The following TMEM64 variants were observed in gnomAD, a reference collection of about 807,000 sequenced individuals.
TMEM64 encodes transmembrane protein 64.
A neutral mutation model predicts 24.5 loss-of-function variants in TMEM64; 19 were observed. The ratio of observed to expected loss-of-function variants is 0.78; its 90% confidence interval spans 0.54 to 1.14. TMEM64 has a LOEUF of 1.14. TMEM64 is among the 50% of genes most tolerant of loss of function. The pLI is 0.00. For missense variants in TMEM64, 487 were observed against 493.0 expected (o/e 0.99, Z 0.12); for synonymous variants, 262 against 224.7 (o/e 1.17, Z -1.49).
chr8:90,645,077 T>G lies in TMEM64; in HGVS notation c.795+34A>C, dbSNP rs1189149347. The G allele has an allele frequency of 6.4e-7, 1 of 1,573,206 alleles. No homozygotes were observed. Among genetic ancestry groups the G allele is most frequent in the Admixed American group, 1.7e-5 (1 of 58,026 alleles). On this transcript the variant is annotated intron_variant, in intron 1 of 2. Coordinates refer to ENST00000458549, the MANE Select transcript of TMEM64 (RefSeq NM_001008495.4). The surrounding 1 kb of genome is among the most constrained non-coding windows in gnomAD (Gnocchi z 4.2). ...GCCACAAGACCGCTCAAAAACAGAC[T>G]TGGAGAGGGATAGGCCAGCGGGACC...
At chr8:90,632,174 T>C (rs1809449624) in intron 1 of TMEM64, among the ~76,000 whole-genome samples, 1 of 152,170 alleles carries the variant, frequency 6.6e-6, no homozygotes, top group Admixed American at 6.5e-5. Context: ...TGGATCAGAG[T>C]CTTGCTCTGT....
Position 90,645,771 on chromosome 8 carries a change from G to T in TMEM64, c.135C>A (p.Arg45=), listed in dbSNP as rs1413398726. Residue 45 remains arginine, a synonymous_variant, in exon 1 of 3, where the codon CGC becomes CGA. Transcript: ENST00000458549. The surrounding 1 kb of genome is among the most constrained non-coding windows in gnomAD (Gnocchi z 4.2). ...CGCTCGCCCCGCCCCCGCGGGGAAG[G>T]CGGTCCGCCGGGCCGTCCCCGCCCG... The part of the protein sequence containing the change: ...RGAGGDGPAD[R]LPRGGGASAA... The T allele has an allele frequency of 3.9e-6, 4 of 1,026,668 alleles. No individual in the cohort carries two copies. In the African/African-American group the frequency reaches 6.9e-5, roughly 18 times the overall value. 63.6% of individuals were successfully genotyped at this position (1,026,668 alleles called of 1,614,324 possible). A position where few individuals can be genotyped will look rare whatever the true frequency, so the allele number is the denominator to read the frequency against.
chr8:90,634,742 T>C (rs1274450425), intron 1 of TMEM64, among the ~76,000 whole-genome samples: 1 of 152,242 alleles, frequency 6.6e-6, no homozygotes, highest in Non-Finnish European at 1.5e-5. Flanking sequence ...TTGCCACTAC[T>C]ACTGATTTTG....
intron 1 of TMEM64, among the ~76,000 whole-genome samples, chr8:90,632,807 T>C (rs1011485139): frequency 1.3e-5 from 2 of 152,164 alleles, no homozygotes; most frequent in African/African-American, 2.4e-5. Context: ...CTAAAGTATC[T>C]AGGAAATACC....
chr8:90,631,817 G>C (rs1809444460), intron 1 of TMEM64, 110 bp from the exon 2 acceptor site: 5 of 840,310 alleles, frequency 6.0e-6, no homozygotes, highest in Non-Finnish European at 9.0e-6. Context: ...GGAAGGAGCT[G>C]ACATCTTTAC....
chr8:90,645,441 G>A lies in TMEM64; in HGVS notation c.465C>T (p.Asp155=), dbSNP rs1809677046. The change falls in exon 1 of 3, where the codon GAC becomes GAT. Residue 155 remains aspartate (D), a synonymous_variant. Coordinates refer to ENST00000458549, the MANE Select transcript of TMEM64 (RefSeq NM_001008495.4). This position sits in a 1 kb window ranked among gnomAD's most constrained non-coding sequence, Gnocchi z 4.2. The stretch of plus-strand genomic sequence containing the variant: ...CGAAGAGCAGGACCCCCAGCAGCGA[G>A]TCAAGGCTCTCCACCCACAGCAGGA... ...HHLLLWVESL[D]SLLGVLLFVV... The A allele has an allele frequency of 1.9e-6, 3 of 1,551,630 alleles. No homozygotes were observed. Among genetic ancestry groups the A allele is most frequent in the Admixed American group, 3.9e-5 (2 of 51,010 alleles).
chr8:90,633,005 T>A (rs1809462916), intron 1 of TMEM64, among the ~76,000 whole-genome samples: 1 of 152,242 alleles, frequency 6.6e-6, no homozygotes, highest in Non-Finnish European at 1.5e-5. Flanking sequence ...TACAATGACA[T>A]CTTTTGGATA....
Position 90,645,582 on chromosome 8 carries a change from G to C in TMEM64, c.324C>G (p.Asn108Lys). The C allele has an allele frequency of 6.5e-7, 1 of 1,542,166 alleles. No homozygotes were observed. Among genetic ancestry groups the C allele is most frequent in the Non-Finnish European group, 8.7e-7 (1 of 1,146,382 alleles). Residue 108 changes from asparagine to lysine, a missense_variant, in exon 1 of 3, where the codon AAC (asparagine) becomes AAG (lysine). Asn to Lys is a moderately conservative substitution (Grantham distance 94). This residue lies in a region of TMEM64 where 419 missense variants were observed against 407.5 expected (regional missense o/e 1.03). Transcript: ENST00000458549. The surrounding 1 kb of genome is among the most constrained non-coding windows in gnomAD (Gnocchi z 4.2). ...GVVVGVAEVR[N>K]WRCCCLGSTC... is the part of the protein sequence containing the mutation. ...TGCTGCCGAGGCAGCAGCAGCGCCA[G>C]TTTCTCACCTCAGCCACGCCGACCA... is the stretch of plus-strand genomic sequence containing the variant.
chr8:90,638,048 G>C (rs1233274502), intron 1 of TMEM64, among the ~76,000 whole-genome samples: 1 of 151,990 alleles, frequency 6.6e-6, no homozygotes, highest in Non-Finnish European at 1.5e-5. Context: ...CCACCGTCTG[G>C]GCCTATTTCT....
At chr8:90,632,362 G>A (rs1326148273) in intron 1 of TMEM64, among the ~76,000 whole-genome samples, 3 of 151,984 alleles carry the variant, frequency 2.0e-5, no homozygotes, top group South Asian at 2.1e-4. Context: ...TTGCTCTGTC[G>A]CCCAGGTTGG....
At position 90,623,458 on chromosome 8, in the gene TMEM64, T is replaced by C. The variant is rs1267740000; in HGVS notation, c.*2213A>G. On this transcript the variant is annotated 3_prime_UTR_variant, in exon 3 of 3. Coordinates refer to ENST00000458549, the MANE Select transcript of TMEM64 (RefSeq NM_001008495.4). Reference sequence around the variant, plus strand: ...CAAGTAGCAGGACTATAAGGGACTATTGTTTACTTGGATGCTGGAAATGCT... The same window carrying C: ...CAAGTAGCAGGACTATAAGGGACTACTGTTTACTTGGATGCTGGAAATGCT... The C allele has an allele frequency of 6.6e-6, 1 of 152,520 alleles. No homozygotes were observed. The highest frequency in any genetic ancestry group is 2.4e-5 in the African/African-American group (1 of 41,428). The allele number at this position is 152,520 out of a possible 1,614,324, so 9.4% of individuals were successfully genotyped here.
At chr8:90,626,615 C>CT (rs147727888) in intron 2 of TMEM64, among the ~76,000 whole-genome samples, 4 of 140,298 alleles carry the variant, frequency 2.9e-5, no homozygotes, top group Non-Finnish European at 6.1e-5. Flanking sequence ...TCCCTCTGTA[C>CT]TTTTTTTTTC....
In TMEM64 at chr8:90,625,833, A is replaced by G. The variant is rs1809350392; in HGVS notation, c.981T>C (p.Tyr327=). ...ATTCCACTTGAGCTCGATGAACTAC[A>G]TAAAACATGAGGCCTATACTTATAA... is the stretch of plus-strand genomic sequence containing the variant. ...QIIISIGLMF[Y]VVHRAQVELN... The change falls in exon 3 of 3, where the codon TAT becomes TAC. Residue 327 remains tyrosine, a synonymous_variant. Transcript: ENST00000458549. 6.2e-7 allele frequency: 1 copy of G among 1,613,176 alleles called. No homozygotes were observed. Among genetic ancestry groups the G allele is most frequent in the Non-Finnish European group, 8.5e-7 (1 of 1,179,414 alleles).
intron 2 of TMEM64, among the ~76,000 whole-genome samples, chr8:90,627,317 TAA>T (rs1228350906): frequency 6.6e-6 from 1 of 152,080 alleles, no homozygotes; most frequent in Non-Finnish European, 1.5e-5. Context: ...AAATCGTAAA[TAA>T]GTTAGGCATC....
In TMEM64 at chr8:90,645,509, A is replaced by G; in HGVS notation, c.397T>C (p.Cys133Arg). 6.4e-7 allele frequency: 1 copy of G among 1,550,586 alleles called. No individual in the cohort carries two copies. Among genetic ancestry groups the G allele is most frequent in the Non-Finnish European group, 8.7e-7 (1 of 1,146,976 alleles). The change falls in exon 1 of 3, where the codon TGC (cysteine) becomes CGC (arginine). Residue 133 changes from cysteine (C) to arginine (R), a missense_variant. This residue lies in a region of TMEM64 where 419 missense variants were observed against 407.5 expected (regional missense o/e 1.03). Coordinates refer to ENST00000458549, the MANE Select transcript of TMEM64 (RefSeq NM_001008495.4). This position sits in a 1 kb window ranked among gnomAD's most constrained non-coding sequence, Gnocchi z 4.2. ...LVLVCVLAAL[C>R]FASLALVRRY... ...CGGACCAGGGCCAGGGAAGCGAAGC[A>G]CAGGGCGGCCAACACGCAGACCAGC... is the stretch of plus-strand genomic sequence containing the variant.
chr8:90,643,557 T>A (rs1408593118), intron 1 of TMEM64, among the ~76,000 whole-genome samples: 1 of 152,120 alleles, frequency 6.6e-6, no homozygotes, highest in Non-Finnish European at 1.5e-5. Context: ...CAGAAATATG[T>A]GGAAAGAGCC....
intron 1 of TMEM64, among the ~76,000 whole-genome samples, chr8:90,642,925 T>C (rs1809626506): frequency 6.6e-6 from 1 of 151,960 alleles, no homozygotes. Context: ...GCCATTTTTC[T>C]TTTTTTTCCC....
intron 1 of TMEM64, among the ~76,000 whole-genome samples, chr8:90,636,706 A>C (rs1809523202): frequency 6.6e-6 from 1 of 152,204 alleles, no homozygotes; most frequent in South Asian, 2.1e-4. Context: ...AAGTTATAAA[A>C]TTCTGTCTCC....
chr8:90,631,699 A>T lies in TMEM64; in HGVS notation c.804T>A (p.Asp268Glu), dbSNP rs1302503680. 1 of 1,612,172 alleles carries T rather than the reference A, an allele frequency of 6.2e-7. No individual in the cohort carries two copies. The highest frequency in any genetic ancestry group is 8.5e-7 in the Non-Finnish European group (1 of 1,178,648). The change falls in exon 2 of 3, where the codon GAT becomes GAA. Residue 268 changes from aspartate (D) to glutamate (E), a missense_variant. Transcript: ENST00000458549. ...GLQNAVFSIT[D>E]LSLPNYLMAS... ...CCATCAGATAGTTGGGTAATGAGAG[A>T]TCAGTAATCTAGAAGAGTAGATTAA...
Sources: allele counts gnomAD v4.1 joint callset (sites outside exome capture counted in the v4.1 genomes callset), GRCh38; gene constraint gnomAD v4.1.1; regional missense constraint gnomAD v4.1.1; non-coding constraint Gnocchi (gnomAD v3.1); transcripts MANE v1.5; gene names NCBI Gene and HGNC (gene_info 2026-07-23, HGNC 2026-07-21).